FAM135B: variants seen among roughly 807,000 people sequenced by gnomAD.
FAM135B encodes the protein protein FAM135B.
A neutral mutation model predicts 127.7 loss-of-function variants in FAM135B; 43 were observed. That is an observed-to-expected ratio of 0.34 (90% CI 0.26 to 0.43). The LOEUF is 0.43. FAM135B is among the 20% of genes least tolerant of loss of function. The pLI is 1.00. For synonymous variants in FAM135B, 670 were observed against 665.1 expected (o/e 1.01, Z -0.11); for missense variants, 1,558 against 1,725.6 (o/e 0.90, Z 1.72).
intron 7 of FAM135B, among the ~76,000 whole-genome samples, chr8:138,229,948 T>C (rs776109269): frequency 3.2e-4 from 49 of 152,128 alleles, no homozygotes; most frequent in Non-Finnish European, 6.5e-4. Context: ...CCTTGACACT[T>C]TGGGATTATT....
At chr8:138,255,961 CT>C (rs1022152590) in intron 5 of FAM135B, among the ~76,000 whole-genome samples, 2 of 152,120 alleles carry the variant, frequency 1.3e-5, no homozygotes, top group Non-Finnish European at 2.9e-5. Flanking sequence ...TGTTCCTACA[CT>C]GGGAGTTTTC....
chr8:138,380,221 AGAGTCTT>A (rs1399608510), intron 1 of FAM135B, among the ~76,000 whole-genome samples: 4 of 151,498 alleles, frequency 2.6e-5, no homozygotes, highest in African/African-American at 9.7e-5. Context: ...TTTTTGAGAC[AGAGTCTT>A]GCTCTGCCAC....
In FAM135B at chr8:138,243,071, A is replaced by G; in HGVS notation, c.543-3T>C. 6.2e-7 allele frequency: 1 copy of G among 1,605,644 alleles called. No homozygotes were observed. The highest frequency in any genetic ancestry group is 8.5e-7 in the Non-Finnish European group (1 of 1,177,000). On this transcript the variant is annotated splice_polypyrimidine_tract_variant and splice_region_variant and intron_variant, in intron 6 of 19. Transcript: ENST00000395297. This position sits in a 1 kb window ranked among gnomAD's most constrained non-coding sequence, Gnocchi z 7.5. ...AGCCTCTTCCTGGACGAGTAAAACT[A>G]AACAAAAGATAATTGAAAGGGTGAA... is the stretch of plus-strand genomic sequence containing the variant.
intron 4 of FAM135B, among the ~76,000 whole-genome samples, chr8:138,260,828 T>C (rs1045778304): frequency 6.6e-6 from 1 of 152,086 alleles, no homozygotes; most frequent in Admixed American, 6.5e-5. Flanking sequence ...CTGACCTTTC[T>C]AAATGCCAGG....
intron 9 of FAM135B, among the ~76,000 whole-genome samples, chr8:138,181,802 C>T (rs74413426): frequency 6.6e-6 from 1 of 152,148 alleles, no homozygotes; most frequent in South Asian, 2.1e-4. Flanking sequence ...CAATGCTCCG[C>T]GTGTAAGTCT....
In FAM135B at chr8:138,257,961, A is replaced by G. The variant is rs943093448; in HGVS notation, c.298-1202T>C. Among the ~76,000 whole-genome samples, 3 of 152,214 alleles carry G rather than the reference A, an allele frequency of 2.0e-5. No homozygotes were observed. In the South Asian group the frequency reaches 6.2e-4, roughly 32 times the overall value. ...GTGCTGGGCTGGCATTTAGAAACTC[A>G]TTTGGAAACTGTTCAGATCAGGTAA... On this transcript the variant is annotated intron_variant, in intron 4 of 19. Transcript: ENST00000395297.
intron 1 of FAM135B, among the ~76,000 whole-genome samples, chr8:138,398,763 G>C (rs2131355537): frequency 6.6e-6 from 1 of 152,282 alleles, no homozygotes; most frequent in Middle Eastern, 3.4e-3. Flanking sequence ...TGTTGAAATA[G>C]CTATTGAGAT....
At chr8:138,182,175 T>C (rs1815111043) in intron 9 of FAM135B, among the ~76,000 whole-genome samples, 1 of 152,216 alleles carries the variant, frequency 6.6e-6, no homozygotes, top group East Asian at 1.9e-4. Context: ...AAGCTATTCA[T>C]TAAATGTGTC....
At chr8:138,383,015 G>T in intron 1 of FAM135B, among the ~76,000 whole-genome samples, 1 of 152,140 alleles carries the variant, frequency 6.6e-6, no homozygotes, top group South Asian at 2.1e-4. Context: ...ACTGGGAAAG[G>T]GGCCAGATCA....
intron 1 of FAM135B, among the ~76,000 whole-genome samples, chr8:138,400,743 G>C (rs976491293): frequency 2.0e-5 from 3 of 151,052 alleles, no homozygotes; most frequent in African/African-American, 7.3e-5. Flanking sequence ...GCTACCCACT[G>C]CCTCACTCTA....
rs1038215627 is a variant in FAM135B, at chr8:138,242,067, T to C, written c.669+875A>G. On this transcript the variant is annotated intron_variant, in intron 7 of 19. Transcript: ENST00000395297. This position sits in a 1 kb window ranked among gnomAD's most constrained non-coding sequence, Gnocchi z 9.6. The stretch of plus-strand genomic sequence containing the variant: ...GGCCTTTAGCCTTGGACTGGAATGA[T>C]ACCACCTGCACTCTTGGGTCTCCAG... 2.6e-5 allele frequency among the ~76,000 whole-genome samples: 4 copies of C among 152,082 alleles called. No homozygotes were observed. Among genetic ancestry groups the C allele is most frequent in the Non-Finnish European group, 5.9e-5 (4 of 68,026 alleles).
rs144997915 is a variant in FAM135B, at chr8:138,228,673, T to C, written c.669+14269A>G. Reference sequence around the variant, plus strand: ...ATGTCATATACCCCACAACTTCTGGTTGCTCTTCGGAATTGACTTTTCTTC... The same window carrying C: ...ATGTCATATACCCCACAACTTCTGGCTGCTCTTCGGAATTGACTTTTCTTC... On this transcript the variant is annotated intron_variant, in intron 7 of 19. Transcript: ENST00000395297. Among the ~76,000 whole-genome samples the C allele has an allele frequency of 7.0e-4, 107 of 152,230 alleles. 1 individual carries two copies. Among genetic ancestry groups the C allele is most frequent in the East Asian group, 3.3e-3 (17 of 5,152 alleles).
chr8:138,326,598 G>A (rs538091475), intron 2 of FAM135B, among the ~76,000 whole-genome samples: 4 of 152,248 alleles, frequency 2.6e-5, no homozygotes, highest in African/African-American at 9.6e-5. Context: ...CCAGTTCCAA[G>A]CAGTCAGAAG....
intron 1 of FAM135B, among the ~76,000 whole-genome samples, chr8:138,478,633 T>G (rs1408802673): frequency 6.6e-6 from 1 of 152,124 alleles, no homozygotes; most frequent in African/African-American, 2.4e-5. Flanking sequence ...CCTACCAAAG[T>G]GGTGACCCTG....
At chr8:138,470,086 A>T (rs1837597063) in intron 1 of FAM135B, among the ~76,000 whole-genome samples, 1 of 152,236 alleles carries the variant, frequency 6.6e-6, no homozygotes, top group Non-Finnish European at 1.5e-5. Context: ...TAAATGCAAG[A>T]CTTAAGGAAA....
chr8:138,366,286 G>A (rs565631367), intron 2 of FAM135B, among the ~76,000 whole-genome samples: 2 of 152,252 alleles, frequency 1.3e-5, no homozygotes, highest in Admixed American at 1.3e-4. Context: ...ATGGAAACCT[G>A]ACATTATCAA....
chr8:138,195,169 C>A (rs549604558), intron 9 of FAM135B, 89 bp downstream of exon 9: 3 of 1,307,552 alleles, frequency 2.3e-6, no homozygotes, highest in Admixed American at 3.9e-5. Context: ...TGTCTTTTCA[C>A]TTCTGTTTTT....
rs1359363450 is a variant in FAM135B, at chr8:138,496,857, G to A, written c.-206C>T. On this transcript the variant is annotated 5_prime_UTR_variant, in exon 1 of 20. Transcript: ENST00000395297. ...CGGCGAGGCTGCCTGGAGGAGGAGC[G>A]AGCGGATGCTGCCCTCGCCCGCCGC... The A allele has an allele frequency of 6.6e-6, 1 of 152,080 alleles. No individual in the cohort carries two copies. The highest frequency in any genetic ancestry group is 1.5e-5 in the Non-Finnish European group (1 of 68,156). The allele number at this position is 152,080 out of a possible 1,614,324, so 9.4% of individuals were successfully genotyped here.
intron 2 of FAM135B, among the ~76,000 whole-genome samples, chr8:138,332,890 G>A (rs755679811): frequency 6.6e-6 from 1 of 151,852 alleles, no homozygotes; most frequent in Non-Finnish European, 1.5e-5. Context: ...CATAAAGCAG[G>A]GTTGGGTGTT....
Sources: gnomAD v4.1 joint callset for allele counts (sites outside exome capture counted in the v4.1 genomes callset) on GRCh38, gnomAD v4.1.1 for gene constraint, Gnocchi (gnomAD v3.1) non-coding constraint, MANE v1.5 for transcripts, NCBI Gene and HGNC (gene_info 2026-07-23, HGNC 2026-07-21) for gene names.